Variants in NEK5 observed in about 807,000 individuals in gnomAD.
NEK5 encodes serine/threonine-protein kinase Nek5.
In NEK5, 88 loss-of-function variants were observed where a neutral mutation model predicts 109.2. The observed-to-expected ratio is 0.81, with a 90% confidence interval of 0.68 to 0.96. The LOEUF is 0.96. NEK5 is among the 40% of genes least tolerant of loss of function. The pLI, the probability that NEK5 is intolerant of heterozygous loss-of-function variation, is 0.00. For synonymous variants in NEK5, 283 were observed against 299.9 expected, an observed-to-expected ratio of 0.94 and a Z score of 0.58; for missense variants, 834 against 920.7, an observed-to-expected ratio of 0.91 and a Z score of 1.22.
At chr13:52,080,347 A>T (rs1367403628) in intron 17 of NEK5, among the ~76,000 whole-genome samples, 4 of 149,690 alleles carry the variant, frequency 2.7e-5, no homozygotes, top group Non-Finnish European at 6.0e-5. Flanking sequence ...CCTACTGGGA[A>T]GTGAGAAGCC....
intron 17 of NEK5, among the ~76,000 whole-genome samples, chr13:52,081,452 G>T (rs142452076): frequency 6.6e-6 from 1 of 151,994 alleles, no homozygotes; most frequent in African/African-American, 2.4e-5. Flanking sequence ...CTCCTAAATA[G>T]CTGGAACTAT....
chr13:52,071,794 G>A (rs765685113), intron 20 of NEK5, 150 bp downstream of exon 20: 34 of 670,144 alleles, frequency 5.1e-5, no homozygotes, highest in Non-Finnish European at 8.3e-5. Context: ...TGGGTGGCAG[G>A]AGAATAATAA....
chr13:52,089,200 CTA>C (rs1273772033), intron 14 of NEK5, 45 bp downstream of exon 14: 21 of 1,196,560 alleles, frequency 1.8e-5, no homozygotes, highest in Non-Finnish European at 2.4e-5. Flanking sequence ...AACAGAAAAA[CTA>C]TTAGGAAATT....
chr13:52,061,885 T>A lies in NEK5; in HGVS notation c.2044A>T (p.Thr682Ser), dbSNP rs1593925068. The A allele has an allele frequency of 5.1e-6, 5 of 985,240 alleles. No individual in the cohort carries two copies. The highest frequency in any genetic ancestry group is 6.0e-6 in the Non-Finnish European group (5 of 829,370). 61.0% of individuals were successfully genotyped at this position (985,240 alleles called of 1,614,324 possible). Reference sequence around the variant, plus strand: ...GCTGCTGCCAAAACACTCATTAAAGTTCCTGGAGCTTCATGCCGCCACTGT... The same window carrying A: ...GCTGCTGCCAAAACACTCATTAAAGATCCTGGAGCTTCATGCCGCCACTGT... ...RKQWRHEAPG[T>S]LMSVLAAAHL... The change falls in exon 22 of 24, where the codon ACT becomes TCT. Residue 682 changes from threonine to serine, a missense_variant. This residue lies in a region of NEK5 where 777 missense variants were observed against 824.7 expected (regional missense o/e 0.94). Transcript: ENST00000684899.
intron 7 of NEK5, among the ~76,000 whole-genome samples, chr13:52,108,621 A>G (rs1398695661): frequency 1.3e-5 from 2 of 152,196 alleles, no homozygotes; most frequent in Non-Finnish European, 2.9e-5. Context: ...ACACATTAAA[A>G]TATATTTTTT....
intron 13 of NEK5, 88 bp from the exon 14 acceptor site, chr13:52,089,401 G>A: frequency 1.3e-6 from 1 of 791,008 alleles, no homozygotes; most frequent in Non-Finnish European, 2.1e-6. Context: ...TTAGTAATGA[G>A]ATTCACAATT....
At position 52,080,482 on chromosome 13, in the gene NEK5, G is replaced by A. The variant is rs186539720; in HGVS notation, c.1572+2778C>T. On this transcript the variant is annotated intron_variant, in intron 17 of 23. Coordinates refer to ENST00000684899, the MANE Select transcript of NEK5 (RefSeq NM_001365552.1). Reference sequence around the variant, plus strand: ...AAGGCGGGGAAAAGATTGAGAAATCGGATGGTTGCCGTGTCTGTGTAGAAA... The same window carrying A: ...AAGGCGGGGAAAAGATTGAGAAATCAGATGGTTGCCGTGTCTGTGTAGAAA... Among the ~76,000 whole-genome samples, 490 of 152,308 alleles carry A rather than the reference G, an allele frequency of 3.2e-3. 3 individuals carry two copies. Among genetic ancestry groups the A allele is most frequent in the African/African-American group, 0.011 (439 of 41,574 alleles).
At chr13:52,067,676 ATT>A (rs33986940) in intron 20 of NEK5, among the ~76,000 whole-genome samples, 7 of 120,144 alleles carry the variant, frequency 5.8e-5, no homozygotes, top group East Asian at 2.4e-4. Context: ...ACACCACGTC[ATT>A]TTTTTTTTTT....
chr13:52,081,199 T>A (rs1007037791), intron 17 of NEK5, among the ~76,000 whole-genome samples: 2 of 152,212 alleles, frequency 1.3e-5, no homozygotes, highest in South Asian at 2.1e-4. Context: ...GAGACTTTTT[T>A]AAAGTGTCTT....
At chr13:52,039,376 G>C (rs1003937232) in intron 23 of NEK5, among the ~76,000 whole-genome samples, 1 of 152,114 alleles carries the variant, frequency 6.6e-6, no homozygotes, top group Non-Finnish European at 1.5e-5. Flanking sequence ...AAATTTGGGT[G>C]GACCAGTAAG....
At chr13:52,094,802 T>C (rs1452212963) in intron 12 of NEK5, among the ~76,000 whole-genome samples, 1 of 152,230 alleles carries the variant, frequency 6.6e-6, no homozygotes, top group Non-Finnish European at 1.5e-5. Flanking sequence ...GAATTGACCA[T>C]AATTAATCTA....
At chr13:52,110,883 C>T (rs1955746378) in intron 5 of NEK5, among the ~76,000 whole-genome samples, 1 of 152,046 alleles carries the variant, frequency 6.6e-6, no homozygotes, top group Non-Finnish European at 1.5e-5. Flanking sequence ...TCATGTTTTT[C>T]TTTTTTTCCT....
intron 4 of NEK5, among the ~76,000 whole-genome samples, chr13:52,115,753 C>T (rs949256476): frequency 9.9e-5 from 15 of 151,962 alleles, no homozygotes; most frequent in Non-Finnish European, 2.2e-4. Flanking sequence ...AATTTTCCAT[C>T]TGCTGTAAAG....
Position 52,127,521 on chromosome 13 carries a change from G to A in NEK5, c.-22-17C>T. 9.1e-7 allele frequency: 1 copy of A among 1,100,854 alleles called. No homozygotes were observed. 68.2% of individuals were successfully genotyped at this position (1,100,854 alleles called of 1,614,324 possible). On this transcript the variant is annotated splice_polypyrimidine_tract_variant and intron_variant, in intron 2 of 23. Coordinates refer to ENST00000684899, the MANE Select transcript of NEK5 (RefSeq NM_001365552.1). Reference sequence around the variant, plus strand: ...CTGAGTTTCCTGGAATTAGAGTAATGTAAATTTATCACACACGTCTCATAA... The same window carrying A: ...CTGAGTTTCCTGGAATTAGAGTAATATAAATTTATCACACACGTCTCATAA...
At chr13:52,111,969 T>C (rs1333061024) in intron 5 of NEK5, among the ~76,000 whole-genome samples, 1 of 152,142 alleles carries the variant, frequency 6.6e-6, no homozygotes, top group African/African-American at 2.4e-5. Context: ...AACACTCACA[T>C]TCAGATTTTT....
intron 3 of NEK5, among the ~76,000 whole-genome samples, chr13:52,125,417 GC>G (rs1343277274): frequency 1.3e-5 from 2 of 152,132 alleles, no homozygotes; most frequent in African/African-American, 2.4e-5. Flanking sequence ...CAAAAAATTA[GC>G]CAGGCGTGGT....
At chr13:52,094,258 G>C (rs558430451) in intron 12 of NEK5, among the ~76,000 whole-genome samples, 1 of 152,278 alleles carries the variant, frequency 6.6e-6, no homozygotes, top group East Asian at 1.9e-4. Context: ...GCAAAGTGGG[G>C]TCAATTTAAC....
chr13:52,091,774 T>C (rs1407866609), intron 13 of NEK5, among the ~76,000 whole-genome samples: 1 of 152,228 alleles, frequency 6.6e-6, no homozygotes, highest in African/African-American at 2.4e-5. Context: ...GAAAAAAATT[T>C]GAAAATATTG....
In NEK5 at chr13:52,099,723, G is replaced by A; in HGVS notation, c.1026+20C>T. ...TATACCATAGCTAAAAAACACAAAG[G>A]AGGGTTTAGAATGACTTACAGATCT... On this transcript the variant is annotated intron_variant, in intron 12 of 23. Transcript: ENST00000684899. 1.2e-6 allele frequency: 2 copies of A among 1,607,098 alleles called. No homozygotes were observed. The highest frequency in any genetic ancestry group is 1.7e-4 in the Middle Eastern group (1 of 6,014).
Sources: allele counts gnomAD v4.1 joint callset (sites outside exome capture counted in the v4.1 genomes callset), GRCh38; gene constraint gnomAD v4.1.1; regional missense constraint gnomAD v4.1.1; transcripts MANE v1.5; gene names NCBI Gene and HGNC (gene_info 2026-07-23, HGNC 2026-07-21).